ADAM28: variants seen among roughly 807,000 people sequenced by gnomAD.
ADAM28 encodes disintegrin and metalloproteinase domain-containing protein 28.
Under a neutral mutation model 101.2 loss-of-function variants are expected in ADAM28, and 105 were observed. The ratio of observed to expected loss-of-function variants is 1.04; its 90% CI spans 0.89 to 1.22. ADAM28 has a LOEUF of 1.22. Among genes scored for constraint, ADAM28 ranks in the 50% most tolerant of loss-of-function variants. The pLI is 0.00. For missense variants in ADAM28, 1,028 were observed against 945.4 expected (o/e 1.09, Z -1.15); for synonymous variants, 322 against 310.6 (o/e 1.04, Z -0.39).
intron 1 of ADAM28, among the ~76,000 whole-genome samples, chr8:24,299,049 C>G (rs1443823733): frequency 6.6e-6 from 1 of 151,026 alleles, no homozygotes; most frequent in Non-Finnish European, 1.5e-5. Context: ...AAAAAAAAGC[C>G]AGGCATGGTG....
At chr8:24,343,245 A>G (rs1815003066) in intron 17 of ADAM28, 64 bp downstream of exon 17, 11 of 1,553,886 alleles carry the variant, frequency 7.1e-6, no homozygotes, top group Non-Finnish European at 9.8e-6. Context: ...GTCAGTCATA[A>G]GAAAGCTAAA....
At chr8:24,315,111 A>G (rs1300009481) in intron 6 of ADAM28, among the ~76,000 whole-genome samples, 2 of 151,936 alleles carry the variant, frequency 1.3e-5, no homozygotes, top group African/African-American at 4.8e-5. Flanking sequence ...AATGGATTAA[A>G]TTTTCCAATC....
At chr8:24,300,174 A>T in intron 2 of ADAM28, 97 bp downstream of exon 2, 1 of 1,019,620 alleles carries the variant, frequency 9.8e-7, no homozygotes, top group Non-Finnish European at 1.4e-6. Flanking sequence ...TGGGATTTAT[A>T]CATGTATGTT....
intron 9 of ADAM28, 26 bp downstream of exon 9, chr8:24,324,029 A>T (rs1274852690): frequency 1.3e-5 from 21 of 1,608,230 alleles, no homozygotes; most frequent in Non-Finnish European, 1.8e-5. Context: ...CTCCCATTGC[A>T]CACTATGTGG....
chr8:24,325,889 A>AAAAAAAAAAAAAAC (rs1563297002), intron 9 of ADAM28, among the ~76,000 whole-genome samples: 2 of 141,924 alleles, frequency 1.4e-5, no homozygotes, highest in Admixed American at 7.0e-5. Flanking sequence ...AAAAAAAAAA[A>AAAAAAAAAAAAAAC]AAAAAAAAAA....
chr8:24,306,377 TATATATATTTAA>T (rs1809671246), intron 2 of ADAM28, among the ~76,000 whole-genome samples: 1 of 138,230 alleles, frequency 7.2e-6, no homozygotes, highest in Non-Finnish European at 1.5e-5. Context: ...TATATATATA[TATATATATTTAA>T]AAATATATAT....
In ADAM28 at chr8:24,335,490, C is replaced by T. The variant is rs771905381; in HGVS notation, c.1416C>T (p.Cys472=). 35 of 1,613,736 alleles carry T rather than the reference C, an allele frequency of 2.2e-5. No individual in the cohort carries two copies. Among genetic ancestry groups the T allele is most frequent in the Middle Eastern group, 1.6e-4 (1 of 6,084 alleles). Residue 472 remains cysteine, a synonymous_variant, in exon 14 of 23, where the codon TGC becomes TGT. Coordinates refer to ENST00000265769, the MANE Select transcript of ADAM28 (RefSeq NM_014265.6). ...TGTGCAGACCAGCAAAAGATGAGTG[C>T]GACCTGCCTGAAATGTGTAATGGTA... ...GMVCRPAKDE[C]DLPEMCNGKS... is the part of the protein sequence containing the mutation.
chr8:24,329,957 G>A, intron 10 of ADAM28, 28 bp from the exon 11 acceptor site: 1 of 1,593,108 alleles, frequency 6.3e-7, no homozygotes, highest in Non-Finnish European at 8.6e-7. Context: ...GAAAATCAGA[G>A]AATCTTTTTC....
At chr8:24,348,362 G>A (rs62498253) in intron 18 of ADAM28, among the ~76,000 whole-genome samples, 14,902 of 152,032 alleles carry the variant, frequency 0.098, 949 homozygotes, top group East Asian at 0.24. Flanking sequence ...CCCCATTCTC[G>A]TGGAGTATTC....
chr8:24,349,992 T>G lies in ADAM28; in HGVS notation c.2099+20T>G. 6.2e-7 allele frequency: 1 copy of G among 1,607,306 alleles called. No individual in the cohort carries two copies. Among genetic ancestry groups the G allele is most frequent in the Non-Finnish European group, 8.5e-7 (1 of 1,174,594 alleles). ...TCAGAGGTGATCCTTTATCTTATCT[T>G]GCTGTAGGGACTCTTTGACCCCTAT... is the stretch of plus-strand genomic sequence containing the variant. On this transcript the variant is annotated intron_variant, in intron 19 of 22. Coordinates refer to ENST00000265769, the MANE Select transcript of ADAM28 (RefSeq NM_014265.6).
intron 20 of ADAM28, among the ~76,000 whole-genome samples, chr8:24,351,772 T>TTGGTAATCATTTCATTTATAACAC (rs1297597413): frequency 1.3e-5 from 2 of 152,206 alleles, no homozygotes; most frequent in African/African-American, 2.4e-5. Context: ...ATTTATAACA[T>TTGGTAATCATTTCATTTATAACAC]TGGTAATCAT....
Position 24,309,836 on chromosome 8 carries a change from T to C in ADAM28, c.151-58T>C. 6 of 1,266,658 alleles carry C rather than the reference T, an allele frequency of 4.7e-6. No individual in the cohort carries two copies. The South Asian group carries it at 7.7e-5, about 16-fold the overall frequency. 78.5% of individuals were successfully genotyped at this position (1,266,658 alleles called of 1,614,324 possible). ...TTGCTAATGACTACACAGATAGAAA[T>C]ATAATAGTCAAATGAATATGTTTTT... On this transcript the variant is annotated intron_variant, in intron 2 of 22. Transcript: ENST00000265769.
chr8:24,314,797 A>C (rs1036234338), intron 6 of ADAM28, among the ~76,000 whole-genome samples: 2 of 151,886 alleles, frequency 1.3e-5, no homozygotes, highest in Admixed American at 6.6e-5. Context: ...TGTGACATTA[A>C]AAGTATAAAT....
chr8:24,300,674 C>G (rs1322154108), intron 2 of ADAM28, among the ~76,000 whole-genome samples: 2 of 152,102 alleles, frequency 1.3e-5, no homozygotes, highest in African/African-American at 4.8e-5. Flanking sequence ...CCTCGGCCTC[C>G]CAAAGTGCTG....
In ADAM28 at chr8:24,294,188, T is replaced by C; in HGVS notation, c.39T>C (p.Ser13=). The C allele has an allele frequency of 1.2e-6, 2 of 1,614,184 alleles. No individual in the cohort carries two copies. Among genetic ancestry groups the C allele is most frequent in the South Asian group, 1.1e-5 (1 of 91,088 alleles). The change falls in exon 1 of 23, where the codon TCT becomes TCC. Residue 13 remains serine (S), a synonymous_variant. Transcript: ENST00000265769. ...QGLLPVSLLL[S]VAVSAIKELP... is the part of the protein sequence containing the mutation. The stretch of plus-strand genomic sequence containing the variant: ...TCCTGCCAGTCAGTCTCCTCCTCTC[T>C]GTTGCAGGTACATATTTAGCTCTTT...
At position 24,313,418 on chromosome 8, in the gene ADAM28, C is replaced by A; in HGVS notation, c.414C>A (p.Tyr138Ter). 1 of 1,612,174 alleles carries A rather than the reference C, an allele frequency of 6.2e-7. No individual in the cohort carries two copies. Among genetic ancestry groups the A allele is most frequent in the Non-Finnish European group, 8.5e-7 (1 of 1,179,236 alleles). Residue 138 changes from tyrosine (Y) to a stop codon, truncating the protein, a stop_gained, in exon 6 of 23, where the codon TAC (tyrosine) becomes TAA (stop). Coordinates refer to ENST00000265769, the MANE Select transcript of ADAM28 (RefSeq NM_014265.6). LOFTEE classifies it high-confidence loss of function. ...RGYFSQGDQR[Y>*]FIEPLSPIHR... ...ACTTCAGTCAGGGGGATCAAAGATA[C>A]TTTATTGAACCTTTAAGCCCCATAC...
chr8:24,300,185 T>TAAAC, intron 2 of ADAM28, 108 bp downstream of exon 2: 8 of 891,234 alleles, frequency 9.0e-6, no homozygotes, highest in African/African-American at 1.7e-5. Context: ...CATGTATGTT[T>TAAAC]ATATATGTGT....
chr8:24,329,922 A>G lies in ADAM28; in HGVS notation c.973-63A>G, dbSNP rs1035533602. 4.0e-6 allele frequency: 6 copies of G among 1,512,668 alleles called. No homozygotes were observed. In the African/African-American group the frequency reaches 6.9e-5, roughly 17 times the overall value. The allele number at this position is 1,512,668 out of a possible 1,614,324, so 93.7% of individuals were successfully genotyped here. ...GAGAGAGAGAGAGAGAGAGATGGCA[A>G]GTAGAGTGATGTATAATTTCATTCG... On this transcript the variant is annotated intron_variant, in intron 10 of 22. Coordinates refer to ENST00000265769, the MANE Select transcript of ADAM28 (RefSeq NM_014265.6).
intron 5 of ADAM28, among the ~76,000 whole-genome samples, chr8:24,312,581 AGTCT>A (rs780453431): frequency 6.6e-6 from 1 of 151,942 alleles, no homozygotes; most frequent in Non-Finnish European, 1.5e-5. Context: ...CATTTAATTC[AGTCT>A]GTCTATTATA....
Sources: gnomAD v4.1 joint callset for allele counts (sites outside exome capture counted in the v4.1 genomes callset) on GRCh38, gnomAD v4.1.1 for gene constraint, MANE v1.5 for transcripts, NCBI Gene and HGNC (gene_info 2026-07-23, HGNC 2026-07-21) for gene names.